ZNF33B: variants seen among roughly 807,000 people sequenced by gnomAD.
The protein encoded by ZNF33B is zinc finger protein 11b (KOX 2).
ZNF33B carries 29 observed loss-of-function variants against 45.8 expected under a neutral mutation model. The ratio of observed to expected loss-of-function variants is 0.63; its 90% CI spans 0.47 to 0.86. The LOEUF (loss-of-function observed/expected upper bound fraction) is 0.86. ZNF33B is among the 40% of genes least tolerant of loss of function. The pLI is 0.00. For synonymous variants in ZNF33B, 305 were observed against 307.8 expected (o/e 0.99, Z 0.10); for missense variants, 831 against 909.9 (o/e 0.91, Z 1.12).
chr10:42,614,922 C>A (rs1045904994), intron 4 of ZNF33B, among the ~76,000 whole-genome samples: 1 of 151,802 alleles, frequency 6.6e-6, no homozygotes, highest in African/African-American at 2.4e-5. Flanking sequence ...CACTGTACCC[C>A]AGCCTGGGCA....
At chr10:42,595,494 G>C (rs1219598231) in intron 4 of ZNF33B, among the ~76,000 whole-genome samples, 1 of 152,024 alleles carries the variant, frequency 6.6e-6, no homozygotes, top group Non-Finnish European at 1.5e-5. Context: ...TCCTTATTAA[G>C]GAATCTGTCA....
Position 42,638,532 on chromosome 10 carries a change from G to A in ZNF33B, c.-103C>T, listed in dbSNP as rs1289658859. 11 of 482,616 alleles carry A rather than the reference G, an allele frequency of 2.3e-5. No homozygotes were observed. The highest frequency in any genetic ancestry group is 2.0e-4 in the Admixed American group (9 of 45,138). The allele number at this position is 482,616 out of a possible 1,614,324, so 29.9% of individuals were successfully genotyped here. A position where few individuals can be genotyped will look rare whatever the true frequency, so the allele number is the denominator to read the frequency against. On this transcript the variant is annotated 5_prime_UTR_variant, in exon 1 of 5. Transcript: ENST00000359467. Reference sequence around the variant, plus strand: ...AGAGCCGGTAGACCCCTGAAATCCCGGGACCGCCTCCCACGCAAAACGTGA... The same window carrying A: ...AGAGCCGGTAGACCCCTGAAATCCCAGGACCGCCTCCCACGCAAAACGTGA...
chr10:42,603,872 T>C (rs1837730571), intron 4 of ZNF33B, among the ~76,000 whole-genome samples: 2 of 152,170 alleles, frequency 1.3e-5, no homozygotes, highest in Admixed American at 1.3e-4. Flanking sequence ...ACAAGCATCA[T>C]CAGTGAGAAC....
In ZNF33B at chr10:42,604,012, C is replaced by T. The variant is rs183562460; in HGVS notation, c.251-9313G>A. 8.5e-5 allele frequency among the ~76,000 whole-genome samples: 13 copies of T among 152,316 alleles called. No homozygotes were observed. The East Asian group carries it at 2.3e-3, about 27-fold the overall frequency. On this transcript the variant is annotated intron_variant, in intron 4 of 4. Transcript: ENST00000359467. ...AAGTACAAAGTATTCTCTACAATGT[C>T]TATTCTTCAACAAAAAAATTACAAC...
At position 42,592,593 on chromosome 10, in the gene ZNF33B, G is replaced by A; in HGVS notation, c.*20C>T. ...GCATTATGGAGGCTGACTTGTGGCT[G>A]GAAATTTCTAATATCCAATTCATTC... On this transcript the variant is annotated 3_prime_UTR_variant, in exon 5 of 5. Coordinates refer to ENST00000359467, the MANE Select transcript of ZNF33B (RefSeq NM_006955.3). 1 of 1,601,034 alleles carries A rather than the reference G, an allele frequency of 6.2e-7. No homozygotes were observed. The highest frequency in any genetic ancestry group is 8.5e-7 in the Non-Finnish European group (1 of 1,173,368).
chr10:42,636,987 G>A lies in ZNF33B; in HGVS notation c.-44-15C>T, dbSNP rs1839334737. ...TGAAGATACAGCTGAGTTGGAAAAAGAGGAATGGGGTCATGAAAGATTTGG... is the reference window on the plus strand; with the variant it reads ...TGAAGATACAGCTGAGTTGGAAAAAAAGGAATGGGGTCATGAAAGATTTGG... On this transcript the variant is annotated splice_polypyrimidine_tract_variant and intron_variant, in intron 1 of 4. Transcript: ENST00000359467. 4 of 1,613,220 alleles carry A rather than the reference G, an allele frequency of 2.5e-6. No homozygotes were observed. The highest frequency in any genetic ancestry group is 3.4e-6 in the Non-Finnish European group (4 of 1,179,634).
intron 4 of ZNF33B, among the ~76,000 whole-genome samples, chr10:42,606,813 A>G (rs1239186769): frequency 3.3e-5 from 5 of 149,740 alleles, no homozygotes; most frequent in African/African-American, 1.2e-4. Flanking sequence ...AAAAAAAAAG[A>G]CATCAAATGA....
At chr10:42,620,054 A>G (rs898854852) in intron 4 of ZNF33B, among the ~76,000 whole-genome samples, 2 of 152,042 alleles carry the variant, frequency 1.3e-5, no homozygotes. Context: ...CATCTCTACT[A>G]AAGACACAAA....
rs1411107603 is a variant in ZNF33B at position 42,594,071 on chromosome 10, A to G, written c.879T>C (p.His293=). The change falls in exon 5 of 5, where the codon CAT becomes CAC. Residue 293 remains histidine, a synonymous_variant. Transcript: ENST00000359467. ...FLCVKSTLSK[H]DGVPVKHYDC... ...CATAGTGTTTCACAGGTACCCCATC[A>G]TGTTTAGAAAGGGTGGACTTCACAC... 1.2e-6 allele frequency: 2 copies of G among 1,614,048 alleles called. No homozygotes were observed. The highest frequency in any genetic ancestry group is 1.1e-5 in the South Asian group (1 of 91,084).
At position 42,593,545 on chromosome 10, in the gene ZNF33B, A is replaced by C. The variant is rs775167181; in HGVS notation, c.1405T>G (p.Phe469Val). 83 of 1,613,880 alleles carry C rather than the reference A, an allele frequency of 5.1e-5. No homozygotes were observed. The highest frequency in any genetic ancestry group is 1.0e-4 in the Admixed American group (6 of 59,994). The change falls in exon 5 of 5, where the codon TTT (phenylalanine) becomes GTT (valine). Residue 469 changes from phenylalanine (F) to valine (V), a missense_variant. Physicochemically the swap from Phe to Val is conservative, Grantham distance 50. Transcript: ENST00000359467. ...HQRTHTGEKPFECLECGKSFC... is the reference protein window; with the variant it reads ...HQRTHTGEKPVECLECGKSFC... ...GATTTCCCACACTCAAGACATTCAA[A>C]AGGTTTCTCACCTGTGTGAGTTCTC...
intron 1 of ZNF33B, 146 bp from the exon 2 acceptor site, chr10:42,637,118 A>AG: frequency 1.4e-6 from 1 of 712,578 alleles, no homozygotes; most frequent in East Asian, 2.7e-5. Flanking sequence ...ACTTCGGAAT[A>AG]GGGGGTAGAA....
At chr10:42,638,250 C>G (rs927879240) in intron 1 of ZNF33B, among the ~76,000 whole-genome samples, 5 of 152,252 alleles carry the variant, frequency 3.3e-5, no homozygotes, top group African/African-American at 1.2e-4. Context: ...TCCGCGGCCC[C>G]TACAAACAGG....
At chr10:42,620,451 G>A (rs1186858369) in intron 4 of ZNF33B, among the ~76,000 whole-genome samples, 1 of 151,998 alleles carries the variant, frequency 6.6e-6, no homozygotes, top group Non-Finnish European at 1.5e-5. Flanking sequence ...CACCCAGGCT[G>A]GAGTGCAGTG....
chr10:42,593,898 T>G lies in ZNF33B; in HGVS notation c.1052A>C (p.His351Pro). ...ACATTGAAAGTGTTTCTCTCCTGTG[T>G]GCACCCTCTGATGTCGAGTGAGATG... ...KSHLTRHQRV[H>P]TGEKHFQCNQ... The change falls in exon 5 of 5, where the codon CAC (histidine) becomes CCC (proline). Residue 351 changes from histidine (H) to proline (P), a missense_variant. Physicochemically the swap from His to Pro is moderately conservative, Grantham distance 77. Coordinates refer to ENST00000359467, the MANE Select transcript of ZNF33B (RefSeq NM_006955.3). 1 of 1,614,084 alleles carries G rather than the reference T, an allele frequency of 6.2e-7. No homozygotes were observed. The highest frequency in any genetic ancestry group is 8.5e-7 in the Non-Finnish European group (1 of 1,179,956).
intron 1 of ZNF33B, among the ~76,000 whole-genome samples, chr10:42,580,578 T>G (rs1836809262): frequency 6.6e-6 from 1 of 151,556 alleles, no homozygotes; most frequent in Admixed American, 6.6e-5. Flanking sequence ...CACTGGAGAG[T>G]TTAGTGCCTG....
chr10:42,593,165 G>T lies in ZNF33B; in HGVS notation c.1785C>A (p.Tyr595Ter). 1 of 1,606,110 alleles carries T rather than the reference G, an allele frequency of 6.2e-7. No homozygotes were observed. The highest frequency in any genetic ancestry group is 2.3e-5 in the East Asian group (1 of 44,350). The change falls in exon 5 of 5, where the codon TAC becomes TAA. Residue 595 changes from tyrosine to a stop codon, truncating the protein, a stop_gained. Transcript: ENST00000359467. LOFTEE classifies it high-confidence loss of function. ...TATGTGTTCTATTATGTTTTGTTAG[G>T]TATGATTTATTGTAAAAGATTTTTC... ...ECGKIFYNKS[Y>*]LTKHNRTHTG... is the part of the protein sequence containing the mutation.
intron 4 of ZNF33B, among the ~76,000 whole-genome samples, chr10:42,628,283 TGGAATTACA>T (rs1838901163): frequency 6.6e-6 from 1 of 152,422 alleles, no homozygotes; most frequent in Admixed American, 6.5e-5. Context: ...CTCAAAGTGC[TGGAATTACA>T]GGCGTGAGAC....
At chr10:42,618,282 A>G (rs1425855530) in intron 4 of ZNF33B, among the ~76,000 whole-genome samples, 1 of 152,194 alleles carries the variant, frequency 6.6e-6, no homozygotes, top group Non-Finnish European at 1.5e-5. Flanking sequence ...TTAGTCATTC[A>G]TTCCATTTTA....
intron 4 of ZNF33B, among the ~76,000 whole-genome samples, chr10:42,599,222 C>T (rs2132056780): frequency 6.6e-6 from 1 of 152,040 alleles, no homozygotes; most frequent in Middle Eastern, 3.4e-3. Context: ...GAAGTTTATC[C>T]ATTTTATCGA....
Sources: gnomAD v4.1 joint callset for allele counts (sites outside exome capture counted in the v4.1 genomes callset) on GRCh38, gnomAD v4.1.1 for gene constraint, MANE v1.5 for transcripts, NCBI Gene and HGNC (gene_info 2026-07-23, HGNC 2026-07-21) for gene names.